KCND3: variants seen among roughly 807,000 people sequenced by gnomAD.
KCND3 encodes A-type voltage-gated potassium channel KCND3.
A neutral mutation model predicts 51.1 loss-of-function variants in KCND3; 9 were observed. The ratio of observed to expected loss-of-function variants is 0.18; its 90% CI spans 0.11 to 0.31. KCND3 has a LOEUF of 0.31. Ranked by LOEUF, KCND3 falls within the 10% of genes least tolerant of loss-of-function variation. KCND3 has a pLI of 1.00. For missense variants in KCND3, 526 were observed against 903.8 expected, an observed-to-expected ratio of 0.58 and a Z score of 5.36; for synonymous variants, 349 against 368.0, an observed-to-expected ratio of 0.95 and a Z score of 0.59.
At chr1:111,900,248 C>T (rs1314253471) in intron 2 of KCND3, among the ~76,000 whole-genome samples, 1 of 152,168 alleles carries the variant, frequency 6.6e-6, no homozygotes. Flanking sequence ...CTCTTTACCT[C>T]CCTCTGGAAA....
At chr1:111,812,954 C>T (rs935582322) in intron 2 of KCND3, among the ~76,000 whole-genome samples, 1 of 152,220 alleles carries the variant, frequency 6.6e-6, no homozygotes, top group Non-Finnish European at 1.5e-5. Context: ...AGTCTGCCAT[C>T]TAGAACTGCT....
Position 111,780,601 on chromosome 1 carries a change from C to T in KCND3, c.1371+89G>A. The T allele has an allele frequency of 8.6e-7, 1 of 1,167,436 alleles. No individual in the cohort carries two copies. The highest frequency in any genetic ancestry group is 1.3e-6 in the Non-Finnish European group (1 of 797,178). 72.3% of individuals were successfully genotyped at this position (1,167,436 alleles called of 1,614,324 possible). ...GTCCTCCTTGGGGTTCATACTGGGG[C>T]TCTGGTGAGAGTGCTGGTGTCCCGG... On this transcript the variant is annotated intron_variant, in intron 4 of 7. Coordinates refer to ENST00000302127, the MANE Select transcript of KCND3 (RefSeq NM_001378969.1). The surrounding 1 kb of genome is among the most constrained non-coding windows in gnomAD (Gnocchi z 4.2).
At chr1:111,841,646 G>A (rs972616026) in intron 2 of KCND3, among the ~76,000 whole-genome samples, 1 of 152,222 alleles carries the variant, frequency 6.6e-6, no homozygotes. Context: ...TTGATGTGAA[G>A]AGTAAATGAG....
intron 2 of KCND3, among the ~76,000 whole-genome samples, chr1:111,873,001 G>A (rs1399564068): frequency 1.3e-5 from 2 of 152,102 alleles, no homozygotes; most frequent in Non-Finnish European, 2.9e-5. Context: ...TTTTATTTTT[G>A]CCTCTGATCC....
At chr1:111,814,750 A>G (rs1200419895) in intron 2 of KCND3, among the ~76,000 whole-genome samples, 1 of 152,236 alleles carries the variant, frequency 6.6e-6, no homozygotes, top group Admixed American at 6.5e-5. Context: ...GTTTCTTCAG[A>G]TGTCTGGCTT....
intron 2 of KCND3, among the ~76,000 whole-genome samples, chr1:111,972,149 T>A (rs969056592): frequency 1.3e-5 from 2 of 150,854 alleles, no homozygotes; most frequent in Admixed American, 6.6e-5. Context: ...TATCTCTAGC[T>A]ATTTTCCTAT....
At chr1:111,883,524 TA>T (rs745335483) in intron 2 of KCND3, among the ~76,000 whole-genome samples, 1 of 152,210 alleles carries the variant, frequency 6.6e-6, no homozygotes, top group Non-Finnish European at 1.5e-5. Flanking sequence ...GATAAGCATT[TA>T]ATATTCACTG....
At chr1:111,866,414 G>A (rs983481816) in intron 2 of KCND3, among the ~76,000 whole-genome samples, 6 of 151,674 alleles carry the variant, frequency 4.0e-5, no homozygotes, top group African/African-American at 7.3e-5. Flanking sequence ...ATAGGAGTGC[G>A]CCACCATGCC....
rs1423401349 is a variant in KCND3, at chr1:111,982,343, G to A, written c.384C>T (p.Ile128=). The A allele has an allele frequency of 2.5e-6, 4 of 1,613,924 alleles. No individual in the cohort carries two copies. Among genetic ancestry groups the A allele is most frequent in the African/African-American group, 1.3e-5 (1 of 74,914 alleles). ...LAFYGILPEI[I]GDCCYEEYKD... is the part of the protein sequence containing the mutation. Reference sequence around the variant, plus strand: ...TGTACTCCTCGTAGCAGCAGTCCCCGATGATCTCCGGGAGGATGCCGTAGA... The same window carrying A: ...TGTACTCCTCGTAGCAGCAGTCCCCAATGATCTCCGGGAGGATGCCGTAGA... The change falls in exon 2 of 8, where the codon ATC becomes ATT. Residue 128 remains isoleucine (I), a synonymous_variant. Transcript: ENST00000302127. The surrounding 1 kb of genome is among the most constrained non-coding windows in gnomAD (Gnocchi z 8.5).
At chr1:111,824,603 T>C (rs529467970) in intron 2 of KCND3, among the ~76,000 whole-genome samples, 27 of 152,168 alleles carry the variant, frequency 1.8e-4, no homozygotes, top group Non-Finnish European at 3.4e-4. Context: ...TGGATAAACA[T>C]AGAAATGGAC....
rs114333938 is a variant in KCND3 at position 111,914,369 on chromosome 1, A to G, written c.1106+67252T>C. On this transcript the variant is annotated intron_variant, in intron 2 of 7. Coordinates refer to ENST00000302127, the MANE Select transcript of KCND3 (RefSeq NM_001378969.1). Reference sequence around the variant, plus strand: ...GGGTCCCCAAAAAGAAGAGAAACACAGAAGAAATATTTTAAAGAGATGGTC... The same window carrying G: ...GGGTCCCCAAAAAGAAGAGAAACACGGAAGAAATATTTTAAAGAGATGGTC... Among the ~76,000 whole-genome samples the G allele has an allele frequency of 4.7e-3, 716 of 152,210 alleles. 2 individuals carry two copies. The highest frequency in any genetic ancestry group is 8.1e-3 in the Non-Finnish European group (550 of 68,002).
intron 2 of KCND3, among the ~76,000 whole-genome samples, chr1:111,929,057 T>C (rs1386050066): frequency 6.6e-6 from 1 of 152,220 alleles, no homozygotes; most frequent in African/African-American, 2.4e-5. Flanking sequence ...TTAATGCAAA[T>C]TTGTTTTGCT....
intron 2 of KCND3, among the ~76,000 whole-genome samples, chr1:111,812,418 GT>G (rs1665896151): frequency 6.6e-6 from 1 of 152,200 alleles, no homozygotes; most frequent in Non-Finnish European, 1.5e-5. Context: ...GGGCCACAGT[GT>G]GAAGGAGCCA....
intron 2 of KCND3, among the ~76,000 whole-genome samples, chr1:111,923,316 C>T (rs1450172349): frequency 6.6e-6 from 1 of 152,222 alleles, no homozygotes; most frequent in African/African-American, 2.4e-5. Context: ...GGTTTCCTGC[C>T]TGCTTCCCTT....
chr1:111,814,531 C>T (rs570999301), intron 2 of KCND3, among the ~76,000 whole-genome samples: 5 of 152,210 alleles, frequency 3.3e-5, no homozygotes, highest in Non-Finnish European at 7.3e-5. Context: ...GCTGGGTGCT[C>T]GGTAGATACA....
intron 2 of KCND3, among the ~76,000 whole-genome samples, chr1:111,954,135 T>C (rs1277198464): frequency 6.6e-6 from 1 of 152,196 alleles, no homozygotes; most frequent in Non-Finnish European, 1.5e-5. Flanking sequence ...CTCTTAGTTC[T>C]AGTAACTTCT....
At chr1:111,802,780 G>A (rs994143894) in intron 2 of KCND3, among the ~76,000 whole-genome samples, 1 of 152,170 alleles carries the variant, frequency 6.6e-6, no homozygotes, top group Admixed American at 6.5e-5. Flanking sequence ...TCCTGCTCAG[G>A]GCCTAGGGAC....
chr1:111,805,354 C>A (rs570082935), intron 2 of KCND3, among the ~76,000 whole-genome samples: 1 of 152,210 alleles, frequency 6.6e-6, no homozygotes, highest in African/African-American at 2.4e-5. Context: ...ACCGCCACAA[C>A]CTGGATGCCA....
intron 2 of KCND3, among the ~76,000 whole-genome samples, chr1:111,961,447 CTT>C (rs1201984831): frequency 6.6e-6 from 1 of 152,178 alleles, no homozygotes; most frequent in Non-Finnish European, 1.5e-5. Flanking sequence ...TCTTTTGTCT[CTT>C]TGGCATCTGA....
Sources: allele counts gnomAD v4.1 joint callset (sites outside exome capture counted in the v4.1 genomes callset), GRCh38; gene constraint gnomAD v4.1.1; non-coding constraint Gnocchi (gnomAD v3.1); transcripts MANE v1.5; gene names NCBI Gene and HGNC (gene_info 2026-07-23, HGNC 2026-07-21).